GREM2: variants seen among roughly 807,000 people sequenced by gnomAD.
GREM2 encodes gremlin 2, DAN family BMP antagonist.
Under a neutral mutation model 14.2 loss-of-function variants are expected in GREM2, and 11 were observed. That is an observed-to-expected ratio of 0.78 (90% CI 0.49 to 1.28). GREM2 has a LOEUF of 1.28. Ranked by LOEUF, GREM2 falls within the 50% of genes most tolerant of loss-of-function variation. The probability of loss-of-function intolerance (pLI) is 0.00; values close to 1 mark genes in which losing one functional copy is unlikely to be tolerated. For missense variants in GREM2, 210 were observed against 218.5 expected (o/e 0.96, Z 0.24); for synonymous variants, 98 against 97.6 (o/e 1.00, Z -0.02).
intron 1 of GREM2, among the ~76,000 whole-genome samples, chr1:240,522,760 T>G (rs1405419919): frequency 2.0e-5 from 3 of 152,138 alleles, no homozygotes; most frequent in Non-Finnish European, 4.4e-5. Context: ...TTGTTTGGAG[T>G]TCCTTTCCAG....
intron 1 of GREM2, among the ~76,000 whole-genome samples, chr1:240,573,596 C>T (rs896586778): frequency 2.0e-5 from 3 of 152,140 alleles, no homozygotes; most frequent in African/African-American, 7.2e-5. Flanking sequence ...TGGCGTCCTG[C>T]GATCTTGATG....
At chr1:240,588,083 C>G (rs972396345) in intron 1 of GREM2, among the ~76,000 whole-genome samples, 1 of 152,132 alleles carries the variant, frequency 6.6e-6, no homozygotes, top group African/African-American at 2.4e-5. Flanking sequence ...ACTCCTTAAC[C>G]AATGAATGGC....
intron 1 of GREM2, among the ~76,000 whole-genome samples, chr1:240,496,317 C>A (rs927676066): frequency 2.6e-5 from 4 of 152,052 alleles, no homozygotes; most frequent in African/African-American, 9.7e-5. Context: ...TCCTCTCTCC[C>A]ACTTGCTCAC....
intron 1 of GREM2, among the ~76,000 whole-genome samples, chr1:240,519,539 C>A (rs911794593): frequency 7.2e-5 from 11 of 152,116 alleles, no homozygotes; most frequent in Middle Eastern, 3.2e-3. Flanking sequence ...TAGATATCAA[C>A]ATATACGGTA....
rs537999119 is a variant in GREM2 at position 240,575,325 on chromosome 1, C to T, written c.-2+36559G>A. Among the ~76,000 whole-genome samples, 4 of 151,662 alleles carry T rather than the reference C, an allele frequency of 2.6e-5. No individual in the cohort carries two copies. In the South Asian group the frequency reaches 8.3e-4, roughly 32 times the overall value. On this transcript the variant is annotated intron_variant, in intron 1 of 1. Coordinates refer to ENST00000318160, the MANE Select transcript of GREM2 (RefSeq NM_022469.4). ...ACAGCTGAAAGCACCAAGTCTTGTC[C>T]CTTTTATTTCTAGAATGAGAGTTGC...
At chr1:240,575,107 C>CAA in intron 1 of GREM2, among the ~76,000 whole-genome samples, 1 of 143,046 alleles carries the variant, frequency 7.0e-6, no homozygotes, top group East Asian at 2.0e-4. Flanking sequence ...ACTCTGTCTC[C>CAA]AAAAAAAAAA....
At chr1:240,588,830 G>A (rs1001186799) in intron 1 of GREM2, 2 of 152,214 alleles carry the variant, frequency 1.3e-5, no homozygotes, top group South Asian at 2.1e-4. Context: ...GTTTGTTTCC[G>A]GCTGGGCTGG....
intron 1 of GREM2, among the ~76,000 whole-genome samples, chr1:240,591,279 C>T (rs1166270977): frequency 1.3e-5 from 2 of 152,160 alleles, no homozygotes; most frequent in Non-Finnish European, 2.9e-5. Context: ...AGTTATGATC[C>T]TCCAGGGTAG....
intron 1 of GREM2, among the ~76,000 whole-genome samples, chr1:240,580,817 CCTGCCTTGGACTCCCCAGGTG>C (rs1483833525): frequency 6.6e-6 from 1 of 152,230 alleles, no homozygotes; most frequent in African/African-American, 2.4e-5. Flanking sequence ...AAGCAGTCCT[CCTGCCTTGGACTCCCCAGGTG>C]CTGGGATTAC....
chr1:240,538,871 T>C (rs1471786808), intron 1 of GREM2, among the ~76,000 whole-genome samples: 2 of 152,212 alleles, frequency 1.3e-5, no homozygotes, highest in Non-Finnish European at 2.9e-5. Flanking sequence ...ACTTGGCACA[T>C]TGGCTACAAA....
intron 1 of GREM2, among the ~76,000 whole-genome samples, chr1:240,559,916 G>A (rs9887803): frequency 0.023 from 3,454 of 152,242 alleles, 116 homozygotes; most frequent in East Asian, 0.1. Context: ...CAATGGCACA[G>A]GCGCCTTTAT....
intron 1 of GREM2, among the ~76,000 whole-genome samples, chr1:240,539,841 T>G (rs1678547829): frequency 6.6e-6 from 1 of 152,364 alleles, no homozygotes; most frequent in Middle Eastern, 3.4e-3. Context: ...TGCTTCACAC[T>G]GACAGCAACA....
intron 1 of GREM2, among the ~76,000 whole-genome samples, chr1:240,508,262 A>G (rs1677725056): frequency 6.6e-6 from 1 of 152,238 alleles, no homozygotes. Flanking sequence ...GAAAGAACAC[A>G]CATCTAATGT....
intron 1 of GREM2, among the ~76,000 whole-genome samples, chr1:240,514,766 G>T (rs896324986): frequency 6.6e-6 from 1 of 152,162 alleles, no homozygotes; most frequent in African/African-American, 2.4e-5. Flanking sequence ...TGGGCTTGGA[G>T]GTGCACAGCT....
intron 1 of GREM2, among the ~76,000 whole-genome samples, chr1:240,571,025 T>A (rs1252475525): frequency 6.6e-6 from 1 of 152,204 alleles, no homozygotes; most frequent in Non-Finnish European, 1.5e-5. Context: ...TGGAACACTT[T>A]AAAATGATCT....
chr1:240,589,118 A>T (rs1679655778), intron 1 of GREM2: 1 of 152,046 alleles, frequency 6.6e-6, no homozygotes, highest in Non-Finnish European at 1.5e-5. Context: ...GCAAGACCCT[A>T]TCTCTTTAAT....
At chr1:240,537,340 G>A (rs1678495658) in intron 1 of GREM2, among the ~76,000 whole-genome samples, 1 of 152,124 alleles carries the variant, frequency 6.6e-6, no homozygotes, top group African/African-American at 2.4e-5. Flanking sequence ...AGGGAGATGA[G>A]TTTTAAGGAG....
At chr1:240,599,873 A>G (rs538177790) in intron 1 of GREM2, among the ~76,000 whole-genome samples, 2 of 152,284 alleles carry the variant, frequency 1.3e-5, no homozygotes, top group African/African-American at 4.8e-5. Context: ...ATAATTTAGT[A>G]CCACAGTGAG....
chr1:240,554,156 A>C (rs1049049302), intron 1 of GREM2, among the ~76,000 whole-genome samples: 14 of 152,256 alleles, frequency 9.2e-5, no homozygotes, highest in Non-Finnish European at 1.9e-4. Context: ...CACACCTGTA[A>C]TCCCAGCACT....
Sources: allele counts gnomAD v4.1 joint callset (sites outside exome capture counted in the v4.1 genomes callset), GRCh38; gene constraint gnomAD v4.1.1; transcripts MANE v1.5; gene names NCBI Gene and HGNC (gene_info 2026-07-23, HGNC 2026-07-21).